The following CFAP263 variants were observed in gnomAD, a reference collection of about 807,000 sequenced individuals.
The protein encoded by CFAP263 is cilia- and flagella-associated protein 263.
the CFAP263 span, among the ~76,000 whole-genome samples, chr16:58,274,085 C>CTCTATTGCT: frequency 6.6e-6 from 1 of 152,178 alleles, no homozygotes; most frequent in Non-Finnish European, 1.5e-5. Context: ...TAGCTAATTG[C>CTCTATTGCT]TCTATTGCTT....
chr16:58,262,648 C>G, the CFAP263 span: 1 of 987,070 alleles, frequency 1.0e-6, no homozygotes, highest in Non-Finnish European at 1.4e-6. Flanking sequence ...TTTGGGTGCC[C>G]CCTCGCTGTC....
At chr16:58,275,056 T>C in the CFAP263 span, among the ~76,000 whole-genome samples, 1 of 152,222 alleles carries the variant, frequency 6.6e-6, no homozygotes, top group African/African-American at 2.4e-5. Flanking sequence ...GCCCACATCT[T>C]TGGGTCTCTC....
chr16:58,279,674 CTTTTTTTTT>C, the CFAP263 span: 4 of 1,397,214 alleles, frequency 2.9e-6, no homozygotes, highest in Non-Finnish European at 3.9e-6. Context: ...TTCTTTTTTT[CTTTTTTTTT>C]TTTGCAGATG....
the CFAP263 span, among the ~76,000 whole-genome samples, chr16:58,250,764 CAAAAA>C: frequency 8.3e-3 from 845 of 101,876 alleles, 2 homozygotes; most frequent in Non-Finnish European, 1.0e-2. Flanking sequence ...GACTAAGTCT[CAAAAA>C]AAAAAAAAAA....
the CFAP263 span, among the ~76,000 whole-genome samples, chr16:58,274,772 G>C: frequency 6.6e-6 from 1 of 152,172 alleles, no homozygotes; most frequent in Non-Finnish European, 1.5e-5. Context: ...CTTTATAGCA[G>C]TGTGAAAACA....
At chr16:58,275,600 G>T in the CFAP263 span, among the ~76,000 whole-genome samples, 1 of 152,118 alleles carries the variant, frequency 6.6e-6, no homozygotes, top group Non-Finnish European at 1.5e-5. Context: ...TCAGGAATAG[G>T]CTGGAAGATC....
the CFAP263 span, chr16:58,281,369 G>A: frequency 6.4e-6 from 1 of 155,724 alleles, no homozygotes; most frequent in East Asian, 1.9e-4. Flanking sequence ...CACAGTTAAT[G>A]CCTGTAACAC....
At chr16:58,275,798 T>C in the CFAP263 span, among the ~76,000 whole-genome samples, 3 of 152,116 alleles carry the variant, frequency 2.0e-5, no homozygotes, top group East Asian at 5.8e-4. Flanking sequence ...AAGGAAAAAA[T>C]TAAGTTGGAA....
chr16:58,271,151 A>G, the CFAP263 span, among the ~76,000 whole-genome samples: 1 of 152,248 alleles, frequency 6.6e-6, no homozygotes, highest in Admixed American at 6.5e-5. Flanking sequence ...CCTGTCTGGT[A>G]TCACTTGTTT....
chr16:58,262,629 C>T, the CFAP263 span: 1 of 1,327,334 alleles, frequency 7.5e-7, no homozygotes, highest in Non-Finnish European at 1.0e-6. Context: ...ATTCCAGTTT[C>T]ACACAGCGTT....
chr16:58,275,481 C>G, the CFAP263 span, among the ~76,000 whole-genome samples: 1 of 152,034 alleles, frequency 6.6e-6, no homozygotes, highest in Non-Finnish European at 1.5e-5. Context: ...CTCAAAAATT[C>G]CTTTGGGGGG....
At chr16:58,266,328 C>T in the CFAP263 span, among the ~76,000 whole-genome samples, 1 of 143,574 alleles carries the variant, frequency 7.0e-6, no homozygotes, top group Admixed American at 7.1e-5. Flanking sequence ...GTTCTCTTCT[C>T]TCTTCACCTA....
chr16:58,267,610 T>G, the CFAP263 span: 1 of 1,409,556 alleles, frequency 7.1e-7, no homozygotes, highest in Non-Finnish European at 1.0e-6. Flanking sequence ...AAATGTGGTA[T>G]TTCTGATGTT....
chr16:58,252,631 G>A, the CFAP263 span: 17 of 1,045,108 alleles, frequency 1.6e-5, no homozygotes, highest in African/African-American at 2.5e-4. Context: ...GCACCAAGGG[G>A]CTAACGGGTT....
the CFAP263 span, among the ~76,000 whole-genome samples, chr16:58,270,554 G>T: frequency 0.59 from 88,715 of 151,618 alleles, 26,961 homozygotes; most frequent in African/African-American, 0.75. Flanking sequence ...CTCCCATTCT[G>T]TGGATTTTCT....
the CFAP263 span, among the ~76,000 whole-genome samples, chr16:58,268,448 C>G: frequency 6.6e-6 from 1 of 152,160 alleles, no homozygotes; most frequent in Admixed American, 6.5e-5. Context: ...AGGACTGTTT[C>G]CACATCTGTG....
At chr16:58,262,598 G>T in the CFAP263 span, 2 of 1,479,922 alleles carry the variant, frequency 1.4e-6, no homozygotes, top group Non-Finnish European at 1.8e-6. Context: ...CACCTTTCTG[G>T]CCACAGGGAG....
the CFAP263 span, chr16:58,258,620 C>A: frequency 1.7e-6 from 2 of 1,147,800 alleles, no homozygotes; most frequent in Non-Finnish European, 2.5e-6. Flanking sequence ...CTTTGGTCCA[C>A]CATAAATGTT....
the CFAP263 span, among the ~76,000 whole-genome samples, chr16:58,265,871 G>A: frequency 6.6e-6 from 1 of 152,108 alleles, no homozygotes; most frequent in African/African-American, 2.4e-5. Flanking sequence ...TGATGGCCTC[G>A]CTGCTGCTCT....
Sources: allele counts gnomAD v4.1 joint callset (sites outside exome capture counted in the v4.1 genomes callset), GRCh38; gene constraint gnomAD v4.1.1; transcripts MANE v1.5; gene names NCBI Gene and HGNC (gene_info 2026-07-23, HGNC 2026-07-21).